The following PCNX2 variants were observed in gnomAD, a reference collection of about 807,000 sequenced individuals.
PCNX2 encodes pecanex-like protein 2.
PCNX2 carries 168 observed loss-of-function variants against 223.8 expected under a neutral mutation model. The observed-to-expected ratio is 0.75, with a 90% confidence interval of 0.66 to 0.85. PCNX2 has a LOEUF of 0.85. Among genes scored for constraint, PCNX2 ranks in the 40% least tolerant of loss-of-function variants. The probability of loss-of-function intolerance (pLI) is 0.00; values close to 1 mark genes in which losing one functional copy is unlikely to be tolerated. For missense variants in PCNX2, 2,507 were observed against 2,675.5 expected, an observed-to-expected ratio of 0.94 and a Z score of 1.39; for synonymous variants, 1,006 against 1,052.6, an observed-to-expected ratio of 0.96 and a Z score of 0.86.
At position 233,147,145 on chromosome 1, in the gene PCNX2, C is replaced by A. The variant is rs539018400; in HGVS notation, c.3518-7290G>T. The stretch of plus-strand genomic sequence containing the variant: ...GTGAGCACGTGAAACTATGGTTGAC[C>A]CTTGAACAAGGGGGAGGTTAGAGAC... On this transcript the variant is annotated intron_variant, in intron 19 of 33. Transcript: ENST00000258229. 3.3e-5 allele frequency among the ~76,000 whole-genome samples: 5 copies of A among 152,052 alleles called. No individual in the cohort carries two copies. The East Asian group carries it at 9.7e-4, about 29-fold the overall frequency.
chr1:233,028,429 G>A (rs1671157077), intron 25 of PCNX2, among the ~76,000 whole-genome samples: 1 of 152,096 alleles, frequency 6.6e-6, no homozygotes, highest in Non-Finnish European at 1.5e-5. Context: ...TGCACATTTA[G>A]GACTGTTATG....
At chr1:233,100,600 T>C (rs958977221) in intron 21 of PCNX2, among the ~76,000 whole-genome samples, 3 of 152,152 alleles carry the variant, frequency 2.0e-5, no homozygotes, top group Non-Finnish European at 2.9e-5. Context: ...TTGAGAGAAA[T>C]GTCTCCAAAT....
chr1:233,089,468 CTT>C (rs1673762727), intron 23 of PCNX2, among the ~76,000 whole-genome samples: 1 of 152,220 alleles, frequency 6.6e-6, no homozygotes, highest in Admixed American at 6.5e-5. Context: ...TTACTTCTCT[CTT>C]CTCACCTTCC....
At chr1:233,320,585 A>G in the PCNX2 span, among the ~76,000 whole-genome samples, 1 of 152,164 alleles carries the variant, frequency 6.6e-6, no homozygotes, top group Non-Finnish European at 1.5e-5. Context: ...TCAGGTAACC[A>G]TGGATATTCT....
At chr1:233,003,386 C>A (rs574377848) in intron 28 of PCNX2, among the ~76,000 whole-genome samples, 39 of 152,306 alleles carry the variant, frequency 2.6e-4, no homozygotes, top group African/African-American at 9.1e-4. Flanking sequence ...ATGCGGCCAA[C>A]AAACATATGA....
At chr1:233,069,449 A>G (rs1036274147) in intron 23 of PCNX2, among the ~76,000 whole-genome samples, 1 of 152,152 alleles carries the variant, frequency 6.6e-6, no homozygotes, top group Non-Finnish European at 1.5e-5. Context: ...AAGATAGACC[A>G]TTTTTCTGGG....
intron 23 of PCNX2, among the ~76,000 whole-genome samples, chr1:233,089,546 T>C (rs1023901812): frequency 7.9e-5 from 12 of 152,194 alleles, no homozygotes; most frequent in African/African-American, 2.4e-4. Context: ...CAGGTCCAAA[T>C]AGTGAAGAAA....
chr1:233,113,893 CTT>C (rs2102980994), intron 21 of PCNX2, among the ~76,000 whole-genome samples: 1 of 152,304 alleles, frequency 6.6e-6, no homozygotes, highest in South Asian at 2.1e-4. Context: ...CTGTAAGTGA[CTT>C]AGGATATGCT....
chr1:233,257,768 T>C (rs1174560189), intron 5 of PCNX2, among the ~76,000 whole-genome samples: 2 of 152,172 alleles, frequency 1.3e-5, no homozygotes, highest in African/African-American at 2.4e-5. Context: ...TGGGAGTAAA[T>C]AGTCTTGCCT....
At chr1:233,030,727 G>A (rs1409980372) in intron 25 of PCNX2, among the ~76,000 whole-genome samples, 1 of 152,182 alleles carries the variant, frequency 6.6e-6, no homozygotes, top group African/African-American at 2.4e-5. Context: ...GTTCAGCAAG[G>A]TCTCCTCACT....
intron 17 of PCNX2, among the ~76,000 whole-genome samples, chr1:233,164,526 T>G (rs999993938): frequency 6.6e-6 from 1 of 151,940 alleles, no homozygotes; most frequent in African/African-American, 2.4e-5. Flanking sequence ...AGCCAAGATA[T>G]GAAATCAATC....
At chr1:233,153,685 C>T (rs375692504) in intron 19 of PCNX2, among the ~76,000 whole-genome samples, 14 of 152,100 alleles carry the variant, frequency 9.2e-5, no homozygotes, top group African/African-American at 2.9e-4. Flanking sequence ...TAGCAGAACA[C>T]GCACATGATC....
chr1:233,206,997 C>T (rs553789304), intron 13 of PCNX2, among the ~76,000 whole-genome samples: 1 of 147,584 alleles, frequency 6.8e-6, no homozygotes, highest in African/African-American at 2.5e-5. Context: ...GGAGACAGAG[C>T]GAGACTCCAA....
chr1:233,197,250 C>A lies in PCNX2; in HGVS notation c.3066+1689G>T, dbSNP rs530206033. ...ACATTTTCAAAAGCTGAACTTTAAACCTGACTTTTAAAAATTAATGAACAA... is the reference window on the plus strand; with the variant it reads ...ACATTTTCAAAAGCTGAACTTTAAAACTGACTTTTAAAAATTAATGAACAA... On this transcript the variant is annotated intron_variant, in intron 15 of 33. Transcript: ENST00000258229. Among the ~76,000 whole-genome samples, 3 of 152,044 alleles carry A rather than the reference C, an allele frequency of 2.0e-5. No homozygotes were observed. In the East Asian group the frequency reaches 5.8e-4, roughly 29 times the overall value.
chr1:233,217,096 A>G (rs1172656214), intron 12 of PCNX2, among the ~76,000 whole-genome samples: 1 of 152,180 alleles, frequency 6.6e-6, no homozygotes, highest in African/African-American at 2.4e-5. Context: ...TAAAGGGTAC[A>G]AAGTTTCAGC....
intron 10 of PCNX2, among the ~76,000 whole-genome samples, chr1:233,223,883 T>C (rs1238385730): frequency 6.6e-6 from 1 of 152,182 alleles, no homozygotes; most frequent in Non-Finnish European, 1.5e-5. Flanking sequence ...TACCTCTCAT[T>C]TTATATCTCA....
intron 1 of PCNX2, among the ~76,000 whole-genome samples, chr1:233,267,530 C>T (rs1288855147): frequency 2.7e-5 from 4 of 149,628 alleles, no homozygotes; most frequent in African/African-American, 9.9e-5. Flanking sequence ...ATTCTCCCCA[C>T]CCCCCATCCC....
chr1:233,250,462 G>GAA, intron 8 of PCNX2: 1 of 767,418 alleles, frequency 1.3e-6, no homozygotes, highest in Non-Finnish European at 1.6e-6. Flanking sequence ...CATCTTTCTT[G>GAA]AAGAGAACAT....
At chr1:233,055,969 C>G (rs916089253) in intron 24 of PCNX2, among the ~76,000 whole-genome samples, 2 of 152,182 alleles carry the variant, frequency 1.3e-5, no homozygotes, top group Non-Finnish European at 2.9e-5. Flanking sequence ...ATAACACTAT[C>G]AAATTATGAG....
Sources: allele counts gnomAD v4.1 joint callset (sites outside exome capture counted in the v4.1 genomes callset), GRCh38; gene constraint gnomAD v4.1.1; transcripts MANE v1.5; gene names NCBI Gene and HGNC (gene_info 2026-07-23, HGNC 2026-07-21).